Variants in CNTNAP2 observed in about 807,000 individuals in gnomAD.
CNTNAP2 encodes the protein contactin associated protein 2.
A neutral mutation model predicts 155.2 loss-of-function variants in CNTNAP2; 98 were observed. The observed-to-expected ratio is 0.63, with a 90% CI of 0.54 to 0.75. The LOEUF is 0.75. Ranked by LOEUF, CNTNAP2 falls within the 30% of genes least tolerant of loss-of-function variation. The pLI is 0.00. For synonymous variants in CNTNAP2, 651 were observed against 631.2 expected (o/e 1.03, Z -0.47); for missense variants, 1,727 against 1,688.1 (o/e 1.02, Z -0.40).
chr7:147,531,883 T>C (rs899244557), intron 11 of CNTNAP2, among the ~76,000 whole-genome samples: 4 of 150,742 alleles, frequency 2.7e-5, no homozygotes, highest in African/African-American at 9.8e-5. Context: ...CTCAGCTCAC[T>C]GCAAGCTTCA....
At chr7:148,214,586 T>C (rs1377318052) in intron 18 of CNTNAP2, among the ~76,000 whole-genome samples, 1 of 152,194 alleles carries the variant, frequency 6.6e-6, no homozygotes, top group Non-Finnish European at 1.5e-5. Flanking sequence ...TATTTATTTA[T>C]TTTTGAGATG....
chr7:146,444,043 A>T (rs1299073232), intron 1 of CNTNAP2, among the ~76,000 whole-genome samples: 1 of 152,086 alleles, frequency 6.6e-6, no homozygotes, highest in African/African-American at 2.4e-5. Context: ...TTTATTTATT[A>T]AATTTTTTTG....
At chr7:146,148,314 G>A (rs1319920750) in intron 1 of CNTNAP2, among the ~76,000 whole-genome samples, 1 of 152,062 alleles carries the variant, frequency 6.6e-6, no homozygotes, top group African/African-American at 2.4e-5. Flanking sequence ...CTTAGAGCAA[G>A]TCGTCTAGCA....
chr7:147,211,028 T>TA (rs71182185), intron 8 of CNTNAP2, among the ~76,000 whole-genome samples: 2 of 151,428 alleles, frequency 1.3e-5, no homozygotes, highest in Non-Finnish European at 3.0e-5. Flanking sequence ...TTTTTTTTTT[T>TA]ATTTATTGAG....
intron 1 of CNTNAP2, among the ~76,000 whole-genome samples, chr7:146,423,679 T>C (rs1796046423): frequency 6.6e-6 from 1 of 152,232 alleles, no homozygotes; most frequent in Admixed American, 6.5e-5. Context: ...TTGGCCTCTT[T>C]GTGTCTCCAA....
At chr7:146,868,598 C>T (rs1487289379) in intron 3 of CNTNAP2, among the ~76,000 whole-genome samples, 2 of 152,106 alleles carry the variant, frequency 1.3e-5, no homozygotes, top group Non-Finnish European at 2.9e-5. Context: ...TTGTAAATTG[C>T]TTTGGGCTGT....
At chr7:147,327,025 A>G (rs1795473629) in intron 9 of CNTNAP2, among the ~76,000 whole-genome samples, 1 of 152,244 alleles carries the variant, frequency 6.6e-6, no homozygotes, top group African/African-American at 2.4e-5. Context: ...AGTACATCTT[A>G]GAATCCAATA....
intron 13 of CNTNAP2, among the ~76,000 whole-genome samples, chr7:147,693,866 C>T (rs1002493796): frequency 1.3e-5 from 2 of 151,992 alleles, no homozygotes; most frequent in African/African-American, 2.4e-5. Flanking sequence ...TTAGCTAGGA[C>T]TTTCAGTACA....
At chr7:147,749,433 G>A (rs77961848) in intron 13 of CNTNAP2, among the ~76,000 whole-genome samples, 1,694 of 152,060 alleles carry the variant, frequency 0.011, 95 homozygotes, top group Admixed American at 0.088. Context: ...AGCACATCTC[G>A]TCATTTTCTG....
chr7:146,799,123 A>G (rs1307816420), intron 2 of CNTNAP2, among the ~76,000 whole-genome samples: 1 of 152,176 alleles, frequency 6.6e-6, no homozygotes, highest in East Asian at 1.9e-4. Context: ...ATTTATTAGA[A>G]CTTACCTCTC....
At chr7:148,301,739 AACAAAGGTGAGCAGGCTTC>A (rs1252451691) in intron 21 of CNTNAP2, among the ~76,000 whole-genome samples, 3 of 152,188 alleles carry the variant, frequency 2.0e-5, no homozygotes, top group African/African-American at 7.2e-5. Context: ...GGATGGCCTT[AACAAAGGTGAGCAGGCTTC>A]ACCACACCAG....
chr7:146,779,635 C>T (rs1383606753), intron 2 of CNTNAP2, among the ~76,000 whole-genome samples: 1 of 152,190 alleles, frequency 6.6e-6, no homozygotes, highest in African/African-American at 2.4e-5. Flanking sequence ...TTTTCACCTT[C>T]CTGCCACTGA....
chr7:146,643,513 A>T (rs1037260851), intron 1 of CNTNAP2, among the ~76,000 whole-genome samples: 88 of 151,922 alleles, frequency 5.8e-4, no homozygotes, highest in African/African-American at 2.1e-3. Flanking sequence ...TGTTCCATTG[A>T]TCTATATCTC....
At chr7:148,353,187 A>C (rs944636186) in intron 21 of CNTNAP2, among the ~76,000 whole-genome samples, 3 of 152,190 alleles carry the variant, frequency 2.0e-5, no homozygotes, top group Non-Finnish European at 2.9e-5. Context: ...CCTTAAGGTA[A>C]TTTGTGGTTC....
At chr7:146,426,559 G>T (rs971721046) in intron 1 of CNTNAP2, among the ~76,000 whole-genome samples, 2 of 148,940 alleles carry the variant, frequency 1.3e-5, no homozygotes, top group East Asian at 4.0e-4. Context: ...ATATTTAAGA[G>T]CATTAATCAG....
intron 13 of CNTNAP2, among the ~76,000 whole-genome samples, chr7:147,871,027 G>T (rs1257270568): frequency 6.6e-6 from 1 of 152,124 alleles, no homozygotes; most frequent in Non-Finnish European, 1.5e-5. Context: ...GGCAAAGAAG[G>T]TGTTTGGAGT....
At chr7:147,864,703 G>C (rs575352977) in intron 13 of CNTNAP2, among the ~76,000 whole-genome samples, 24 of 152,198 alleles carry the variant, frequency 1.6e-4, no homozygotes, top group Non-Finnish European at 2.9e-4. Context: ...GTGAATGGGA[G>C]TTCACTCATG....
At chr7:147,060,857 C>A (rs1799653163) in intron 4 of CNTNAP2, among the ~76,000 whole-genome samples, 1 of 141,568 alleles carries the variant, frequency 7.1e-6, no homozygotes, top group African/African-American at 2.7e-5. Context: ...GAGCGAGACT[C>A]TGTCTCAAAA....
chr7:146,151,635 GATAT>G (rs1226681385), intron 1 of CNTNAP2, among the ~76,000 whole-genome samples: 1,995 of 35,696 alleles, frequency 0.056, 60 homozygotes, highest in African/African-American at 0.081. Flanking sequence ...AAGAAAACGT[GATAT>G]ATATATATAT....
Sources: gnomAD v4.1 joint callset for allele counts (sites outside exome capture counted in the v4.1 genomes callset) on GRCh38, gnomAD v4.1.1 for gene constraint, MANE v1.5 for transcripts, NCBI Gene and HGNC (gene_info 2026-07-23, HGNC 2026-07-21) for gene names.